NELL1: variants seen among roughly 807,000 people sequenced by gnomAD.
NELL1 encodes the protein protein kinase C-binding protein NELL1.
Under a neutral mutation model 107.4 loss-of-function variants are expected in NELL1, and 76 were observed. The observed-to-expected ratio is 0.71, with a 90% confidence interval of 0.59 to 0.86. The LOEUF (loss-of-function observed/expected upper bound fraction) is 0.86. NELL1 is among the 40% of genes least tolerant of loss of function. NELL1 has a pLI of 0.00. For missense variants in NELL1, 1,024 were observed against 1,005.5 expected, an observed-to-expected ratio of 1.02 and a Z score of -0.25; for synonymous variants, 353 against 341.2, an observed-to-expected ratio of 1.03 and a Z score of -0.38.
At chr11:20,729,550 A>T (rs1855583528) in intron 2 of NELL1, among the ~76,000 whole-genome samples, 2 of 152,168 alleles carry the variant, frequency 1.3e-5, no homozygotes, top group South Asian at 4.1e-4. Context: ...CTTTTTCTGT[A>T]TATATTGAGA....
intron 14 of NELL1, among the ~76,000 whole-genome samples, chr11:21,229,891 A>G (rs1450946824): frequency 2.0e-5 from 3 of 152,164 alleles, no homozygotes; most frequent in Admixed American, 6.5e-5. Flanking sequence ...TTCAGAGGCC[A>G]GCGCCCTGGC....
intron 14 of NELL1, among the ~76,000 whole-genome samples, chr11:21,255,549 A>C (rs989522337): frequency 1.3e-5 from 2 of 152,094 alleles, no homozygotes; most frequent in Admixed American, 6.6e-5. Context: ...ACTTCAGTAT[A>C]GCTCGAAAGC....
At chr11:21,367,929 G>A (rs909950249) in intron 14 of NELL1, among the ~76,000 whole-genome samples, 9 of 152,042 alleles carry the variant, frequency 5.9e-5, no homozygotes, top group African/African-American at 2.2e-4. Flanking sequence ...CAAATTACCA[G>A]TCCTCTGCAT....
intron 12 of NELL1, among the ~76,000 whole-genome samples, chr11:20,962,600 A>G (rs1361420952): frequency 6.6e-6 from 1 of 152,144 alleles, no homozygotes; most frequent in Non-Finnish European, 1.5e-5. Context: ...TTTCTCATTG[A>G]TGTCATTTTT....
At chr11:21,117,309 T>C (rs1358552406) in intron 13 of NELL1, among the ~76,000 whole-genome samples, 1 of 152,048 alleles carries the variant, frequency 6.6e-6, no homozygotes, top group Non-Finnish European at 1.5e-5. Flanking sequence ...ATGATTCTTT[T>C]ATCTGTCTCT....
chr11:20,687,078 T>C (rs1247615077), intron 2 of NELL1, among the ~76,000 whole-genome samples: 4 of 151,298 alleles, frequency 2.6e-5, no homozygotes, highest in Non-Finnish European at 5.9e-5. Flanking sequence ...AGTTTGATTA[T>C]GTTATATTTA....
chr11:20,694,246 C>T (rs181252246), intron 2 of NELL1, among the ~76,000 whole-genome samples: 19 of 152,124 alleles, frequency 1.2e-4, no homozygotes, highest in Admixed American at 2.6e-4. Context: ...TCCTGTAGCT[C>T]GGAGTAGTTT....
intron 13 of NELL1, among the ~76,000 whole-genome samples, chr11:21,176,026 C>T (rs528943689): frequency 1.3e-5 from 2 of 151,736 alleles, no homozygotes; most frequent in East Asian, 1.9e-4. Flanking sequence ...CTTCTTTTCC[C>T]CTATTAGAAT....
At chr11:21,455,746 A>G (rs979211270) in intron 15 of NELL1, among the ~76,000 whole-genome samples, 2 of 151,860 alleles carry the variant, frequency 1.3e-5, no homozygotes, top group African/African-American at 2.4e-5. Flanking sequence ...TTTCTTAGGT[A>G]TATGATGTTA....
intron 14 of NELL1, among the ~76,000 whole-genome samples, chr11:21,268,763 A>G (rs547309293): frequency 1.3e-5 from 2 of 152,342 alleles, no homozygotes; most frequent in East Asian, 3.9e-4. Context: ...AAAAAATGGC[A>G]AGGGATACTA....
At chr11:21,282,432 A>G (rs983742317) in intron 14 of NELL1, among the ~76,000 whole-genome samples, 4 of 150,056 alleles carry the variant, frequency 2.7e-5, no homozygotes, top group Non-Finnish European at 4.4e-5. Flanking sequence ...GTGAGCTGAC[A>G]TCATACCATG....
intron 2 of NELL1, among the ~76,000 whole-genome samples, chr11:20,705,779 T>A (rs1464430109): frequency 6.6e-6 from 1 of 151,092 alleles, no homozygotes; most frequent in Non-Finnish European, 1.5e-5. Flanking sequence ...GACAAAGGGC[T>A]AATATCCAGA....
chr11:20,882,782 T>A (rs930506358), intron 4 of NELL1, among the ~76,000 whole-genome samples: 2 of 152,240 alleles, frequency 1.3e-5, no homozygotes, highest in African/African-American at 4.8e-5. Context: ...ATGGGATTAT[T>A]TCCCCCTGCC....
chr11:20,969,025 A>C (rs924144583), intron 12 of NELL1, among the ~76,000 whole-genome samples: 1 of 152,132 alleles, frequency 6.6e-6, no homozygotes, highest in Non-Finnish European at 1.5e-5. Flanking sequence ...TTATTTAATG[A>C]AAAAAATCTC....
At chr11:21,212,803 A>G (rs77335642) in intron 13 of NELL1, among the ~76,000 whole-genome samples, 8,431 of 152,212 alleles carry the variant, frequency 0.055, 751 homozygotes, top group African/African-American at 0.19. Context: ...TTTGGCAACA[A>G]AGCAGTGATG....
chr11:21,169,506 C>T (rs1273038075), intron 13 of NELL1, among the ~76,000 whole-genome samples: 1 of 151,850 alleles, frequency 6.6e-6, no homozygotes, highest in Non-Finnish European at 1.5e-5. Flanking sequence ...TTACTGTTGG[C>T]TTGACTATTC....
At chr11:21,269,757 C>T (rs927636732) in intron 14 of NELL1, among the ~76,000 whole-genome samples, 3 of 151,838 alleles carry the variant, frequency 2.0e-5, no homozygotes, top group African/African-American at 4.8e-5. Context: ...AGAGCATCAG[C>T]GAAAGAATTA....
intron 16 of NELL1, among the ~76,000 whole-genome samples, chr11:21,554,984 A>G (rs1007309111): frequency 9.2e-5 from 14 of 151,998 alleles, no homozygotes; most frequent in Admixed American, 4.6e-4. Context: ...CTAAGGAGAA[A>G]GAGAAACAAG....
At chr11:20,821,920 A>G (rs1294186899) in intron 3 of NELL1, among the ~76,000 whole-genome samples, 2 of 152,226 alleles carry the variant, frequency 1.3e-5, no homozygotes, top group East Asian at 3.9e-4. Flanking sequence ...CAAAGAGATT[A>G]GCTGAGGGCC....
Sources: gnomAD v4.1 joint callset for allele counts (sites outside exome capture counted in the v4.1 genomes callset) on GRCh38, gnomAD v4.1.1 for gene constraint, MANE v1.5 for transcripts, NCBI Gene and HGNC (gene_info 2026-07-23, HGNC 2026-07-21) for gene names.